The following SNX6 variants were observed in gnomAD, a reference collection of about 807,000 sequenced individuals.
SNX6 encodes sorting nexin-6.
Under a neutral mutation model 63.0 loss-of-function variants are expected in SNX6, and 34 were observed. The observed-to-expected ratio is 0.54, with a 90% CI of 0.41 to 0.72. SNX6 has a LOEUF of 0.72. Among genes scored for constraint, SNX6 ranks in the 30% least tolerant of loss-of-function variants. SNX6 has a pLI of 0.00. For missense variants in SNX6, 398 were observed against 471.4 expected (o/e 0.84, Z 1.44); for synonymous variants, 170 against 164.2 (o/e 1.04, Z -0.27).
At chr14:34,594,617 C>G (rs1594723264) in intron 7 of SNX6, among the ~76,000 whole-genome samples, 1 of 152,216 alleles carries the variant, frequency 6.6e-6, no homozygotes, top group East Asian at 1.9e-4. Flanking sequence ...CTGCCTCAGC[C>G]TCCCAAAGTG....
chr14:34,573,438 G>A lies in SNX6; in HGVS notation c.921+2318C>T, dbSNP rs183215715. Reference sequence around the variant, plus strand: ...AAAAATACAAAAATTATCCAGGCATGGTGGCAAGTGCCTGTAGTCCCAGCT... The same window carrying A: ...AAAAATACAAAAATTATCCAGGCATAGTGGCAAGTGCCTGTAGTCCCAGCT... On this transcript the variant is annotated intron_variant, in intron 11 of 13. Coordinates refer to ENST00000362031, the MANE Select transcript of SNX6 (RefSeq NM_152233.4). 4.3e-3 allele frequency among the ~76,000 whole-genome samples: 647 copies of A among 152,136 alleles called. 4 individuals are homozygous for A. Among genetic ancestry groups the A allele is most frequent in the Middle Eastern group, 0.024 (7 of 292 alleles).
intron 6 of SNX6, among the ~76,000 whole-genome samples, chr14:34,598,650 T>A (rs1373615800): frequency 1.3e-5 from 2 of 152,210 alleles, no homozygotes; most frequent in Non-Finnish European, 2.9e-5. Flanking sequence ...CCCAAAGTGC[T>A]GGGATTACAG....
Position 34,593,160 on chromosome 14 carries a change from C to G in SNX6, c.613-10G>C. 2 of 1,527,826 alleles carry G rather than the reference C, an allele frequency of 1.3e-6. No individual in the cohort carries two copies. Among genetic ancestry groups the G allele is most frequent in the Non-Finnish European group, 8.9e-7 (1 of 1,126,544 alleles). 94.6% of individuals were successfully genotyped at this position (1,527,826 alleles called of 1,614,324 possible). ...AGAAATCATCTACATCCTATAAGAT[C>G]AAAAGAAAATATAAACTTTTTTCAC... On this transcript the variant is annotated splice_polypyrimidine_tract_variant and intron_variant, in intron 7 of 13. Transcript: ENST00000362031.
chr14:34,567,652 A>T lies in SNX6; in HGVS notation c.1167+34T>A, dbSNP rs764336286. The T allele has an allele frequency of 4.7e-6, 7 of 1,498,330 alleles. No individual in the cohort carries two copies. In the South Asian group the frequency reaches 8.0e-5, roughly 17 times the overall value. 92.8% of individuals were successfully genotyped at this position (1,498,330 alleles called of 1,614,324 possible). On this transcript the variant is annotated intron_variant, in intron 13 of 13. Transcript: ENST00000362031. ...ACTGATTCATTTCTATATTACATGT[A>T]ACTTAAATTATTAAATCTTTATTAC...
chr14:34,619,252 T>A (rs1253245932), intron 2 of SNX6, among the ~76,000 whole-genome samples: 1 of 152,038 alleles, frequency 6.6e-6, no homozygotes, highest in Non-Finnish European at 1.5e-5. Flanking sequence ...TGAAACCCCA[T>A]CTCTACTAAA....
chr14:34,604,112 C>T, intron 5 of SNX6: 3 of 1,223,686 alleles, frequency 2.5e-6, no homozygotes, highest in Non-Finnish European at 3.1e-6. Flanking sequence ...CAACTACGTG[C>T]AAGAAGGATA....
chr14:34,595,896 T>G (rs1349567371), intron 7 of SNX6, among the ~76,000 whole-genome samples: 6 of 152,212 alleles, frequency 3.9e-5, no homozygotes, highest in Admixed American at 3.9e-4. Context: ...TCAACTCTTA[T>G]ACCATTTTTA....
At chr14:34,564,879 C>A (rs997774798) in intron 13 of SNX6, among the ~76,000 whole-genome samples, 2 of 150,862 alleles carry the variant, frequency 1.3e-5, no homozygotes, top group African/African-American at 4.9e-5. Context: ...TGACATCAAT[C>A]TCTAGAAGGA....
At chr14:34,606,402 T>C (rs1044633436) in intron 4 of SNX6, among the ~76,000 whole-genome samples, 1 of 151,448 alleles carries the variant, frequency 6.6e-6, no homozygotes, top group Non-Finnish European at 1.5e-5. Context: ...ATTACAGGCA[T>C]GAGCCACTGC....
At chr14:34,615,103 ACT>A (rs772302024) in intron 2 of SNX6, among the ~76,000 whole-genome samples, 31 of 152,038 alleles carry the variant, frequency 2.0e-4, no homozygotes, top group Non-Finnish European at 3.7e-4. Flanking sequence ...TACTAAATAT[ACT>A]GTTTCCCTTT....
chr14:34,605,781 C>A, intron 4 of SNX6, 64 bp from the exon 5 acceptor site: 1 of 1,554,506 alleles, frequency 6.4e-7, no homozygotes, highest in Admixed American at 2.1e-5. Context: ...TGTACTACTG[C>A]CACCATAGAA....
intron 2 of SNX6, among the ~76,000 whole-genome samples, chr14:34,622,971 TTA>T (rs1270940598): frequency 6.6e-6 from 1 of 152,206 alleles, no homozygotes; most frequent in Non-Finnish European, 1.5e-5. Context: ...GTAACTATCA[TTA>T]TGTCTTTACT....
At chr14:34,568,854 G>C (rs1322452915) in intron 11 of SNX6, 1 of 1,084,636 alleles carries the variant, frequency 9.2e-7, no homozygotes, top group Non-Finnish European at 1.4e-6. Flanking sequence ...CTCGGCTAAA[G>C]TGGCCAGGCA....
intron 2 of SNX6, among the ~76,000 whole-genome samples, chr14:34,621,270 T>C (rs1883612452): frequency 6.6e-6 from 1 of 152,174 alleles, no homozygotes; most frequent in African/African-American, 2.4e-5. Flanking sequence ...AAGCCTCCTC[T>C]GATTCGCCTC....
Position 34,605,630 on chromosome 14 carries a change from C to T in SNX6, c.358G>A (p.Glu120Lys). Residue 120 changes from glutamate (E) to lysine (K), a missense_variant, in exon 5 of 14, where the codon GAA becomes AAA. Physicochemically the swap from Glu to Lys is moderately conservative, Grantham distance 56. Transcript: ENST00000362031. ...TCCTGTTTCATCTTTGTGAATTCTTCCTTCGTCATTGACCCTTCTCCTTCA... is the reference window on the plus strand; with the variant it reads ...TCCTGTTTCATCTTTGTGAATTCTTTCTTCGTCATTGACCCTTCTCCTTCA... ...LGEGEGSMTK[E>K]EFTKMKQELE... 1.9e-6 allele frequency: 3 copies of T among 1,602,794 alleles called. No individual in the cohort carries two copies. Among genetic ancestry groups the T allele is most frequent in the Non-Finnish European group, 2.6e-6 (3 of 1,176,100 alleles).
intron 13 of SNX6, among the ~76,000 whole-genome samples, chr14:34,563,586 T>A (rs939930911): frequency 6.1e-5 from 9 of 148,492 alleles, no homozygotes; most frequent in Admixed American, 2.0e-4. Flanking sequence ...AAAAAAAAAA[T>A]ATAGTGTTAG....
chr14:34,604,414 A>C (rs1882939686), intron 5 of SNX6: 1 of 558,926 alleles, frequency 1.8e-6, no homozygotes, highest in African/African-American at 2.0e-5. Flanking sequence ...CTTGCAACTA[A>C]GACCTGCTTT....
At chr14:34,609,950 T>C (rs1291683688) in intron 2 of SNX6, among the ~76,000 whole-genome samples, 4 of 152,222 alleles carry the variant, frequency 2.6e-5, no homozygotes, top group Admixed American at 2.6e-4. Flanking sequence ...TATTCAATTC[T>C]AGAATTTTCA....
intron 11 of SNX6, among the ~76,000 whole-genome samples, chr14:34,573,434 G>T (rs887384389): frequency 2.6e-5 from 4 of 151,956 alleles, no homozygotes; most frequent in African/African-American, 9.7e-5. Context: ...AATTATCCAG[G>T]CATGGTGGCA....
Sources: allele counts gnomAD v4.1 joint callset (sites outside exome capture counted in the v4.1 genomes callset), GRCh38; gene constraint gnomAD v4.1.1; transcripts MANE v1.5; gene names NCBI Gene and HGNC (gene_info 2026-07-23, HGNC 2026-07-21).